Variants in OPCML observed in about 807,000 individuals in gnomAD.
The protein encoded by OPCML is opioid binding protein/cell adhesion molecule like.
Under a neutral mutation model 37.8 loss-of-function variants are expected in OPCML, and 13 were observed. The observed-to-expected ratio is 0.34, with a 90% CI of 0.22 to 0.55. OPCML has a LOEUF of 0.55. OPCML is among the 20% of genes least tolerant of loss of function. The probability of loss-of-function intolerance (pLI) is 0.91; values close to 1 mark genes in which losing one functional copy is unlikely to be tolerated. For synonymous variants in OPCML, 176 were observed against 168.8 expected, an observed-to-expected ratio of 1.04 and a Z score of -0.33; for missense variants, 341 against 435.6, an observed-to-expected ratio of 0.78 and a Z score of 1.93.
At chr11:132,599,959 G>C (rs1020907913) in intron 3 of OPCML, among the ~76,000 whole-genome samples, 5 of 152,044 alleles carry the variant, frequency 3.3e-5, no homozygotes, top group Non-Finnish European at 7.4e-5. Flanking sequence ...TCATTATTTT[G>C]CCTTCAAATG....
intron 1 of OPCML, among the ~76,000 whole-genome samples, chr11:132,984,728 T>C (rs1946654001): frequency 6.6e-6 from 1 of 152,130 alleles, no homozygotes. Flanking sequence ...ACAGTGAACA[T>C]CTGCAAGCTT....
chr11:132,950,038 G>A (rs1455672464), intron 1 of OPCML, among the ~76,000 whole-genome samples: 1 of 152,188 alleles, frequency 6.6e-6, no homozygotes, highest in Non-Finnish European at 1.5e-5. Context: ...AGAGGCATAT[G>A]GCAGAGGTAG....
intron 2 of OPCML, among the ~76,000 whole-genome samples, chr11:132,694,356 G>T (rs983197877): frequency 1.3e-5 from 2 of 151,774 alleles, no homozygotes; most frequent in South Asian, 2.1e-4. Context: ...GTGCCACCAC[G>T]CCCGGCTAAT....
intron 1 of OPCML, among the ~76,000 whole-genome samples, chr11:133,399,874 T>C (rs1014179637): frequency 6.7e-6 from 1 of 149,018 alleles, no homozygotes. Context: ...ATTATATATA[T>C]ATAAAATATA....
chr11:132,968,231 C>T (rs1591858834), intron 1 of OPCML, among the ~76,000 whole-genome samples: 2 of 152,186 alleles, frequency 1.3e-5, no homozygotes, highest in African/African-American at 4.8e-5. Flanking sequence ...AGCATGTTTA[C>T]TCTCTTAGTC....
At chr11:133,235,667 C>T (rs1266896956) in intron 1 of OPCML, among the ~76,000 whole-genome samples, 1 of 152,076 alleles carries the variant, frequency 6.6e-6, no homozygotes, top group Non-Finnish European at 1.5e-5. Flanking sequence ...CTCAACAGAC[C>T]CCAAAAAATT....
chr11:132,895,878 A>C (rs1381190896), intron 2 of OPCML, among the ~76,000 whole-genome samples: 1 of 152,050 alleles, frequency 6.6e-6, no homozygotes, highest in Non-Finnish European at 1.5e-5. Context: ...GTGAGGTTCA[A>C]AGTGTGATTC....
rs373846749 is a variant in OPCML, at chr11:132,478,199, C to T, written c.506-40840G>A. ...ATTCAAATAGACTTAGAATCAAATA[C>T]CAATTGTTCTAAGTTTAAACTGTGT... On this transcript the variant is annotated intron_variant, in intron 4 of 7. Transcript: ENST00000524381. Among the ~76,000 whole-genome samples, 24 of 152,164 alleles carry T rather than the reference C, an allele frequency of 1.6e-4. No homozygotes were observed. The South Asian group carries it at 5.0e-3, about 32-fold the overall frequency.
chr11:132,958,675 C>G (rs559676814), intron 1 of OPCML, among the ~76,000 whole-genome samples: 1 of 152,350 alleles, frequency 6.6e-6, no homozygotes, highest in South Asian at 2.1e-4. Flanking sequence ...TTCTGAAAAT[C>G]CTAGGGCCCT....
rs141840320 is a variant in OPCML, at chr11:132,437,286, G to A, written c.579C>T (p.Tyr193=). Residue 193 remains tyrosine, a synonymous_variant, in exon 5 of 8, where the codon TAC becomes TAT. Coordinates refer to ENST00000524381, the MANE Select transcript of OPCML (RefSeq NM_001012393.5). The stretch of plus-strand genomic sequence containing the variant: ...CGACATCGTTCAACGCGCTGCATTC[G>A]TACTCCCCGGACTGGTCTCGCTTGA... ...SDIKRDQSGE[Y]ECSALNDVAA... is the part of the protein sequence containing the mutation. 566 of 1,614,184 alleles carry A rather than the reference G, an allele frequency of 3.5e-4. 1 individual carries two copies. In the African/African-American group the frequency reaches 6.5e-3, roughly 18 times the overall value.
chr11:132,868,985 G>A (rs11820444), intron 2 of OPCML, among the ~76,000 whole-genome samples: 23,796 of 152,164 alleles, frequency 0.16, 2,072 homozygotes, highest in African/African-American at 0.2. Flanking sequence ...TGTGGGGAAC[G>A]TGGCCTGTTC....
chr11:133,256,040 G>A (rs1006313229), intron 1 of OPCML, among the ~76,000 whole-genome samples: 1 of 152,154 alleles, frequency 6.6e-6, no homozygotes, highest in South Asian at 2.1e-4. Context: ...TACAAAGGCG[G>A]CTAAGGCTAT....
rs143402018 is a variant in OPCML, at chr11:133,518,314, C to T, written c.61+13950G>A. On this transcript the variant is annotated intron_variant, in intron 1 of 7. Coordinates refer to ENST00000524381, the MANE Select transcript of OPCML (RefSeq NM_001012393.5). Reference sequence around the variant, plus strand: ...TGTATGTGTGTAATGTGTATGGAAGCGTGTATAAGTGTGTGTGTGTGGGTG... The same window carrying T: ...TGTATGTGTGTAATGTGTATGGAAGTGTGTATAAGTGTGTGTGTGTGGGTG... Among the ~76,000 whole-genome samples, 521 of 144,846 alleles carry T rather than the reference C, an allele frequency of 3.6e-3. 2 individuals carry two copies. Among genetic ancestry groups the T allele is most frequent in the African/African-American group, 0.013 (477 of 38,156 alleles).
chr11:133,307,387 C>T (rs1942950154), intron 1 of OPCML, among the ~76,000 whole-genome samples: 1 of 152,166 alleles, frequency 6.6e-6, no homozygotes, highest in South Asian at 2.1e-4. Flanking sequence ...GTTTTGATTT[C>T]TACGTCCTTT....
At chr11:133,198,629 T>A (rs1033879434) in intron 1 of OPCML, among the ~76,000 whole-genome samples, 1 of 152,166 alleles carries the variant, frequency 6.6e-6, no homozygotes, top group Admixed American at 6.5e-5. Flanking sequence ...TGGACTCACA[T>A]CTATTCTGTT....
chr11:132,570,121 C>G (rs9645676), intron 3 of OPCML, among the ~76,000 whole-genome samples: 111,740 of 152,140 alleles, frequency 0.73, 41,556 homozygotes, highest in East Asian at 0.85. Context: ...TCATAAATAA[C>G]GGGTTCAATA....
At chr11:133,514,090 C>T (rs552510131) in intron 1 of OPCML, among the ~76,000 whole-genome samples, 110 of 152,288 alleles carry the variant, frequency 7.2e-4, no homozygotes, top group African/African-American at 2.5e-3. Flanking sequence ...GGTCACGAAA[C>T]GAAAACAAAG....
chr11:133,529,264 T>C (rs946609158), intron 1 of OPCML, among the ~76,000 whole-genome samples: 5 of 152,200 alleles, frequency 3.3e-5, no homozygotes, highest in African/African-American at 1.2e-4. Context: ...TTAACCTGCC[T>C]CTCTCCTCCT....
At chr11:132,666,933 G>A (rs1192667308) in intron 2 of OPCML, among the ~76,000 whole-genome samples, 1 of 152,202 alleles carries the variant, frequency 6.6e-6, no homozygotes, top group East Asian at 1.9e-4. Flanking sequence ...AGGGCCAGAG[G>A]CAGAAAGAAT....
Sources: allele counts gnomAD v4.1 joint callset (sites outside exome capture counted in the v4.1 genomes callset), GRCh38; gene constraint gnomAD v4.1.1; transcripts MANE v1.5; gene names NCBI Gene and HGNC (gene_info 2026-07-23, HGNC 2026-07-21).